The following ANTXR2 variants were observed in gnomAD, a reference collection of about 807,000 sequenced individuals.
ANTXR2 encodes anthrax toxin receptor 2.
In ANTXR2, 44 loss-of-function variants were observed where a neutral mutation model predicts 73.7. The observed-to-expected ratio is 0.60, with a 90% CI of 0.47 to 0.77. The LOEUF is 0.77. Among genes scored for constraint, ANTXR2 ranks in the 30% least tolerant of loss-of-function variants. ANTXR2 has a pLI of 0.00. For missense variants in ANTXR2, 604 were observed against 592.5 expected, an observed-to-expected ratio of 1.02 and a Z score of -0.20; for synonymous variants, 217 against 205.9, an observed-to-expected ratio of 1.05 and a Z score of -0.46.
At chr4:80,045,531 A>G (rs777626199) in intron 7 of ANTXR2, among the ~76,000 whole-genome samples, 2 of 151,608 alleles carry the variant, frequency 1.3e-5, no homozygotes, top group Non-Finnish European at 3.0e-5. Context: ...CATGACCCAC[A>G]GCATGTCAGA....
At chr4:80,061,954 A>C (rs1382851300) in intron 3 of ANTXR2, among the ~76,000 whole-genome samples, 2 of 152,172 alleles carry the variant, frequency 1.3e-5, no homozygotes, top group Non-Finnish European at 2.9e-5. Flanking sequence ...ATTTGTTCTC[A>C]CCAAGTTCCT....
At chr4:79,964,963 A>AGAGAGGGCCCGAGCGG (rs1305606030) in intron 16 of ANTXR2, 25 of 152,354 alleles carry the variant, frequency 1.6e-4, no homozygotes, top group Admixed American at 7.2e-4. Flanking sequence ...AGAGAGCGCG[A>AGAGAGGGCCCGAGCGG]GAGAGGGCCC....
chr4:80,011,374 A>G (rs1286001959), intron 11 of ANTXR2, among the ~76,000 whole-genome samples: 1 of 151,894 alleles, frequency 6.6e-6, no homozygotes, highest in Non-Finnish European at 1.5e-5. Flanking sequence ...TCTGATGACT[A>G]TTTCATTTAC....
intron 16 of ANTXR2, among the ~76,000 whole-genome samples, chr4:79,946,656 T>G (rs1196817186): frequency 6.6e-6 from 1 of 152,148 alleles, no homozygotes. Context: ...TGCAGGGGTA[T>G]CTGGTAGCAC....
At chr4:80,004,405 C>T (rs1392643945) in intron 12 of ANTXR2, among the ~76,000 whole-genome samples, 1 of 151,118 alleles carries the variant, frequency 6.6e-6, no homozygotes, top group Admixed American at 6.6e-5. Flanking sequence ...ACCACAGAAA[C>T]TTTTTTTTTA....
chr4:80,056,088 G>T, intron 3 of ANTXR2, 75 bp from the exon 4 acceptor site: 1 of 1,033,528 alleles, frequency 9.7e-7, no homozygotes, highest in Non-Finnish European at 1.4e-6. Context: ...AAAAAACATG[G>T]CAGTATTGTA....
chr4:80,043,065 G>A (rs993889188), intron 7 of ANTXR2, among the ~76,000 whole-genome samples: 4 of 151,984 alleles, frequency 2.6e-5, no homozygotes, highest in Non-Finnish European at 5.9e-5. Context: ...TCACAAGCAT[G>A]GGGGAGAGAG....
In ANTXR2 at chr4:79,979,944, C is replaced by T. The variant is rs561821842; in HGVS notation, c.1180-1770G>A. On this transcript the variant is annotated intron_variant, in intron 14 of 16. Transcript: ENST00000403729. ...AAGAGAAGTAGATACAATTTAGATC[C>T]ATTCAGAAATGATAGGCTTTAGAAT... 3.3e-5 allele frequency among the ~76,000 whole-genome samples: 5 copies of T among 152,118 alleles called. No individual in the cohort carries two copies. In the South Asian group the frequency reaches 1.0e-3, roughly 32 times the overall value.
chr4:80,032,342 C>A (rs1457455378), intron 9 of ANTXR2, among the ~76,000 whole-genome samples: 1 of 151,666 alleles, frequency 6.6e-6, no homozygotes, highest in Non-Finnish European at 1.5e-5. Context: ...ATAATGAACT[C>A]AAATATGTAA....
intron 16 of ANTXR2, among the ~76,000 whole-genome samples, chr4:79,935,506 G>A (rs1728228660): frequency 9.5e-6 from 1 of 104,822 alleles, no homozygotes; most frequent in Admixed American, 1.3e-4. Flanking sequence ...TCAAAGGCCA[G>A]CTGAACTGGA....
At chr4:79,947,331 T>C (rs2109977728) in intron 16 of ANTXR2, among the ~76,000 whole-genome samples, 1 of 152,288 alleles carries the variant, frequency 6.6e-6, no homozygotes, top group Admixed American at 6.5e-5. Flanking sequence ...TGCATGTTAG[T>C]TCAGTGAGGT....
At chr4:80,036,741 T>A (rs776887888) in intron 7 of ANTXR2, among the ~76,000 whole-genome samples, 9 of 151,968 alleles carry the variant, frequency 5.9e-5, no homozygotes, top group Non-Finnish European at 1.3e-4. Context: ...TGAGCCAAGG[T>A]CATGCCACTT....
At chr4:80,060,124 G>A (rs776679247) in intron 3 of ANTXR2, among the ~76,000 whole-genome samples, 8 of 151,206 alleles carry the variant, frequency 5.3e-5, no homozygotes, top group East Asian at 2.0e-4. Context: ...TGTGAACACC[G>A]TGATTCTACA....
In ANTXR2 at chr4:79,906,686, C is replaced by G. The variant is rs545341922; in HGVS notation, c.*743G>C. On this transcript the variant is annotated 3_prime_UTR_variant, in exon 17 of 17. Transcript: ENST00000403729. The stretch of plus-strand genomic sequence containing the variant: ...TACACTCAAGATCTCTGGCTAGAGG[C>G]CTTCTGTGGAATAACGCTCTATTAA... The G allele has an allele frequency of 1.3e-5, 2 of 152,722 alleles. No individual in the cohort carries two copies. The highest frequency in any genetic ancestry group is 4.8e-5 in the African/African-American group (2 of 41,574). The allele number at this position is 152,722 out of a possible 1,614,324, so 9.5% of individuals were successfully genotyped here.
At chr4:79,927,037 GTA>G (rs1290517834) in intron 16 of ANTXR2, among the ~76,000 whole-genome samples, 7 of 110,114 alleles carry the variant, frequency 6.4e-5, no homozygotes, top group African/African-American at 1.4e-4. Context: ...ATATATGTGT[GTA>G]TATATATGTG....
At chr4:80,047,410 T>C (rs988184497) in intron 7 of ANTXR2, among the ~76,000 whole-genome samples, 4 of 151,758 alleles carry the variant, frequency 2.6e-5, no homozygotes, top group Admixed American at 6.6e-5. Context: ...TATTTGAATA[T>C]AGTGAGCTGT....
intron 12 of ANTXR2, among the ~76,000 whole-genome samples, chr4:79,995,525 T>C (rs1730683210): frequency 6.6e-6 from 1 of 151,978 alleles, no homozygotes; most frequent in Non-Finnish European, 1.5e-5. Context: ...ACTAAGTTTA[T>C]TCATCTGGGA....
chr4:79,980,310 A>G (rs1292092909), intron 14 of ANTXR2, among the ~76,000 whole-genome samples: 3 of 152,158 alleles, frequency 2.0e-5, no homozygotes, highest in Admixed American at 2.0e-4. Flanking sequence ...AAATTATTAC[A>G]GTTTTCAAAC....
chr4:80,007,976 G>C (rs1731386528), intron 12 of ANTXR2, among the ~76,000 whole-genome samples: 1 of 152,092 alleles, frequency 6.6e-6, no homozygotes, highest in Admixed American at 6.6e-5. Context: ...TCTTTCACAG[G>C]CTTTATACAA....
Sources: allele counts gnomAD v4.1 joint callset (sites outside exome capture counted in the v4.1 genomes callset), GRCh38; gene constraint gnomAD v4.1.1; transcripts MANE v1.5; gene names NCBI Gene and HGNC (gene_info 2026-07-23, HGNC 2026-07-21).